The following SLC38A11 variants were observed in gnomAD, a reference collection of about 807,000 sequenced individuals.
SLC38A11 encodes the protein solute carrier family 38 member 11.
A neutral mutation model predicts 49.4 loss-of-function variants in SLC38A11; 51 were observed. The observed-to-expected ratio is 1.03, with a 90% CI of 0.83 to 1.30. SLC38A11 has a LOEUF of 1.30. Ranked by LOEUF, SLC38A11 falls within the 50% of genes most tolerant of loss-of-function variation. The pLI, the probability that SLC38A11 is intolerant of heterozygous loss-of-function variation, is 0.00. For missense variants in SLC38A11, 574 were observed against 556.2 expected (o/e 1.03, Z -0.32); for synonymous variants, 203 against 192.9 (o/e 1.05, Z -0.43).
At chr2:164,906,400 C>T (rs1191027341) in intron 11 of SLC38A11, among the ~76,000 whole-genome samples, 1 of 152,170 alleles carries the variant, frequency 6.6e-6, no homozygotes, top group African/African-American at 2.4e-5. Context: ...AGATCCTGAA[C>T]TGTAGTCCCA....
intron 3 of SLC38A11, among the ~76,000 whole-genome samples, chr2:164,949,027 G>A (rs145420920): frequency 1.3e-3 from 191 of 150,612 alleles, no homozygotes; most frequent in Non-Finnish European, 2.3e-3. Context: ...TTATAAAGTG[G>A]TATAATTATT....
At chr2:164,916,689 A>C (rs1487635931) in intron 7 of SLC38A11, among the ~76,000 whole-genome samples, 2 of 152,146 alleles carry the variant, frequency 1.3e-5, no homozygotes, top group Non-Finnish European at 2.9e-5. Flanking sequence ...CCAACTGTAG[A>C]TGTATTTCTC....
intron 2 of SLC38A11, among the ~76,000 whole-genome samples, chr2:164,953,530 T>C (rs767209990): frequency 1.3e-5 from 2 of 152,166 alleles, no homozygotes; most frequent in Non-Finnish European, 2.9e-5. Context: ...TTCTTCTAAG[T>C]ACAGCTGCTC....
intron 7 of SLC38A11, among the ~76,000 whole-genome samples, chr2:164,929,506 A>ATGGACT (rs1366199427): frequency 1.3e-5 from 2 of 152,114 alleles, no homozygotes; most frequent in East Asian, 3.9e-4. Flanking sequence ...TTCTCTTTCT[A>ATGGACT]TGGACTTGAA....
intron 7 of SLC38A11, among the ~76,000 whole-genome samples, chr2:164,921,163 A>G (rs2105471815): frequency 6.6e-6 from 1 of 152,324 alleles, no homozygotes; most frequent in Admixed American, 6.5e-5. Context: ...TGAGACACCA[A>G]AAAAGGCACT....
intron 7 of SLC38A11, among the ~76,000 whole-genome samples, chr2:164,917,207 G>C (rs532559247): frequency 6.6e-6 from 1 of 152,138 alleles, no homozygotes; most frequent in African/African-American, 2.4e-5. Flanking sequence ...AGCATGAAAA[G>C]GCGCTGGGTA....
rs568611262 is a variant in SLC38A11, at chr2:164,940,471, G to A, written c.431-915C>T. Among the ~76,000 whole-genome samples the A allele has an allele frequency of 6.8e-4, 103 of 150,742 alleles. 1 individual carries two copies. The South Asian group carries it at 0.021, about 30-fold the overall frequency. ...AGAGATCATATCATTATATTGTTAC[G>A]ATGTCTTCAGTGGTACCAAGTCATT... On this transcript the variant is annotated intron_variant, in intron 5 of 11. Coordinates refer to ENST00000685975, the MANE Select transcript of SLC38A11 (RefSeq NM_001351537.2).
At chr2:164,898,976 A>C (rs1161677290) in intron 11 of SLC38A11, among the ~76,000 whole-genome samples, 5 of 152,274 alleles carry the variant, frequency 3.3e-5, no homozygotes, top group African/African-American at 1.2e-4. Context: ...ACTTAAGAAA[A>C]TATTATCACA....
intron 3 of SLC38A11, among the ~76,000 whole-genome samples, chr2:164,945,992 AC>A (rs1688078859): frequency 6.6e-6 from 1 of 152,160 alleles, no homozygotes; most frequent in African/African-American, 2.4e-5. Flanking sequence ...AAGAAAACAG[AC>A]TCGAGTCAAA....
intron 11 of SLC38A11, among the ~76,000 whole-genome samples, chr2:164,903,188 G>GTA (rs1236753478): frequency 2.6e-4 from 4 of 15,202 alleles, no homozygotes; most frequent in African/African-American, 2.9e-4. Context: ...ATACAAATGT[G>GTA]TGTGTGTGTG....
At chr2:164,936,228 G>T (rs1031302100) in intron 7 of SLC38A11, among the ~76,000 whole-genome samples, 2 of 151,932 alleles carry the variant, frequency 1.3e-5, no homozygotes, top group Non-Finnish European at 2.9e-5. Flanking sequence ...CAAAGAAAAG[G>T]CTATATCAAA....
At chr2:164,948,888 C>CTTTTT (rs67268569) in intron 3 of SLC38A11, among the ~76,000 whole-genome samples, 10 of 136,192 alleles carry the variant, frequency 7.3e-5, no homozygotes, top group Admixed American at 2.3e-4. Flanking sequence ...TGCTAACTCA[C>CTTTTT]TTTTTTTTTT....
intron 11 of SLC38A11, among the ~76,000 whole-genome samples, chr2:164,906,089 A>G (rs1255155708): frequency 6.6e-6 from 1 of 152,158 alleles, no homozygotes; most frequent in Non-Finnish European, 1.5e-5. Context: ...TGTGCACTTG[A>G]TTAACTTGAA....
At chr2:164,915,053 A>G (rs1685674457) in intron 9 of SLC38A11, 59 bp downstream of exon 9, 1 of 1,438,896 alleles carries the variant, frequency 6.9e-7, no homozygotes, top group East Asian at 2.4e-5. Context: ...TAATGAGTAG[A>G]ACATTCGGTA....
intron 5 of SLC38A11, among the ~76,000 whole-genome samples, chr2:164,940,683 T>C (rs1343859531): frequency 1.3e-5 from 2 of 150,776 alleles, no homozygotes; most frequent in Non-Finnish European, 3.0e-5. Flanking sequence ...CACATATATG[T>C]ATTATATATA....
At chr2:164,952,035 A>G (rs1454635258) in intron 3 of SLC38A11, among the ~76,000 whole-genome samples, 3 of 152,160 alleles carry the variant, frequency 2.0e-5, no homozygotes, top group African/African-American at 7.2e-5. Flanking sequence ...CATGTTTGTC[A>G]TAAGGTGAGA....
At chr2:164,912,986 G>A (rs1215903840) in intron 9 of SLC38A11, among the ~76,000 whole-genome samples, 1 of 151,972 alleles carries the variant, frequency 6.6e-6, no homozygotes, top group Admixed American at 6.6e-5. Context: ...TGTTAAAATT[G>A]TGGTAACCTT....
chr2:164,913,733 T>C (rs1685567612), intron 9 of SLC38A11, among the ~76,000 whole-genome samples: 1 of 152,062 alleles, frequency 6.6e-6, no homozygotes, highest in East Asian at 1.9e-4. Flanking sequence ...CCATAGGCCA[T>C]TTGCATTGGC....
chr2:164,909,346 T>A (rs1559091155), intron 10 of SLC38A11, among the ~76,000 whole-genome samples: 1 of 152,090 alleles, frequency 6.6e-6, no homozygotes, highest in Non-Finnish European at 1.5e-5. Context: ...CAATAAAAAA[T>A]TACTGACTTA....
Sources: allele counts gnomAD v4.1 joint callset (sites outside exome capture counted in the v4.1 genomes callset), GRCh38; gene constraint gnomAD v4.1.1; transcripts MANE v1.5; gene names NCBI Gene and HGNC (gene_info 2026-07-23, HGNC 2026-07-21).